COL25A1: variants seen among roughly 807,000 people sequenced by gnomAD.
COL25A1 encodes the protein collagen alpha-1(XXV) chain.
In COL25A1, 103 loss-of-function variants were observed where a neutral mutation model predicts 128.4. The observed-to-expected ratio is 0.80, with a 90% CI of 0.68 to 0.94. COL25A1 has a LOEUF of 0.94. COL25A1 is among the 40% of genes least tolerant of loss of function. The pLI is 0.00. For missense variants in COL25A1, 745 were observed against 840.0 expected, an observed-to-expected ratio of 0.89 and a Z score of 1.40; for synonymous variants, 279 against 277.2, an observed-to-expected ratio of 1.01 and a Z score of -0.06.
rs115845691 is a variant in COL25A1 at position 108,875,130 on chromosome 4, A to G, written c.1021-5980T>C. 6.8e-3 allele frequency among the ~76,000 whole-genome samples: 1,038 copies of G among 152,296 alleles called. 6 individuals are homozygous for G. The highest frequency in any genetic ancestry group is 0.024 in the African/African-American group (979 of 41,562). On this transcript the variant is annotated intron_variant, in intron 19 of 37. Transcript: ENST00000399132. Reference sequence around the variant, plus strand: ...AGATCTGAGATCACTGCTGCTTGCAAAGTTAGTGCCTAACTCATGGGCAAG... The same window carrying G: ...AGATCTGAGATCACTGCTGCTTGCAGAGTTAGTGCCTAACTCATGGGCAAG...
chr4:108,942,200 A>T (rs1312491531), intron 8 of COL25A1: 1 of 1,550,028 alleles, frequency 6.5e-7, no homozygotes. Flanking sequence ...ATGAGTGACA[A>T]CCACAAACCT....
intron 27 of COL25A1, among the ~76,000 whole-genome samples, chr4:108,846,796 G>A (rs749427733): frequency 2.0e-5 from 3 of 151,642 alleles, no homozygotes; most frequent in Non-Finnish European, 4.4e-5. Flanking sequence ...TTCTTATTTT[G>A]TTCTCATGAT....
chr4:108,853,449 C>T (rs2125775999), intron 24 of COL25A1, among the ~76,000 whole-genome samples: 1 of 151,878 alleles, frequency 6.6e-6, no homozygotes, highest in East Asian at 1.9e-4. Flanking sequence ...AATCTAATTT[C>T]CTTTTTTTTG....
At chr4:109,297,068 A>C (rs1725048007) in intron 3 of COL25A1, among the ~76,000 whole-genome samples, 1 of 152,136 alleles carries the variant, frequency 6.6e-6, no homozygotes, top group Non-Finnish European at 1.5e-5. Flanking sequence ...TGCTAAACCA[A>C]ATATTCTGCT....
chr4:109,210,046 A>T (rs1042732627), intron 3 of COL25A1, among the ~76,000 whole-genome samples: 9 of 151,170 alleles, frequency 6.0e-5, no homozygotes, highest in Non-Finnish European at 1.0e-4. Context: ...GTGAGACTTC[A>T]TCTCAAAAAA....
chr4:109,093,711 C>T lies in COL25A1; in HGVS notation c.368-43532G>A, dbSNP rs1765158173. Among the ~76,000 whole-genome samples, 4 of 152,140 alleles carry T rather than the reference C, an allele frequency of 2.6e-5. No individual in the cohort carries two copies. In the South Asian group the frequency reaches 8.3e-4, roughly 32 times the overall value. On this transcript the variant is annotated intron_variant, in intron 3 of 37. Coordinates refer to ENST00000399132, the MANE Select transcript of COL25A1 (RefSeq NM_198721.4). ...AGTAAAATACTGTAGTTCAAGGACT[C>T]AGAAAAATTTTCAGAACTAATGGCA...
In COL25A1 at chr4:109,192,935, T is replaced by C. The variant is rs561049188; in HGVS notation, c.367+107648A>G. 1.1e-3 allele frequency among the ~76,000 whole-genome samples: 167 copies of C among 151,416 alleles called. 3 individuals carry two copies. Among genetic ancestry groups the C allele is most frequent in the Non-Finnish European group, 5.9e-4 (40 of 67,882 alleles). ...CTCATGTGAAGACACAGAGAGAGCA[T>C]GGCCATCCGCAAGCCAACGAAAAAG... On this transcript the variant is annotated intron_variant, in intron 3 of 37. Coordinates refer to ENST00000399132, the MANE Select transcript of COL25A1 (RefSeq NM_198721.4).
chr4:108,982,886 A>C (rs1453326308), intron 6 of COL25A1, among the ~76,000 whole-genome samples: 1 of 152,198 alleles, frequency 6.6e-6, no homozygotes, highest in Non-Finnish European at 1.5e-5. Flanking sequence ...ATCAGTCTTA[A>C]ATCAAAAGCA....
At chr4:109,263,152 AAC>A (rs869232663) in intron 3 of COL25A1, among the ~76,000 whole-genome samples, 3 of 152,052 alleles carry the variant, frequency 2.0e-5, no homozygotes, top group Non-Finnish European at 4.4e-5. Context: ...CAACAACAAC[AAC>A]AAAACCTTTC....
At chr4:109,218,382 T>TTG (rs1553961838) in intron 3 of COL25A1, among the ~76,000 whole-genome samples, 6 of 130,974 alleles carry the variant, frequency 4.6e-5, no homozygotes, top group African/African-American at 1.8e-4. Context: ...TTTTTTTTTT[T>TTG]GCTTTTGAAC....
At chr4:109,118,435 T>A (rs1316131460) in intron 3 of COL25A1, among the ~76,000 whole-genome samples, 1 of 151,942 alleles carries the variant, frequency 6.6e-6, no homozygotes, top group East Asian at 1.9e-4. Context: ...CTACAACATA[T>A]ACATGTAACA....
chr4:109,223,877 G>A (rs932914766), intron 3 of COL25A1, among the ~76,000 whole-genome samples: 1 of 152,148 alleles, frequency 6.6e-6, no homozygotes, highest in African/African-American at 2.4e-5. Flanking sequence ...GACAAGTGCT[G>A]AGTGTAAGAT....
At chr4:109,137,025 C>G (rs1241360795) in intron 3 of COL25A1, among the ~76,000 whole-genome samples, 1 of 152,190 alleles carries the variant, frequency 6.6e-6, no homozygotes, top group Non-Finnish European at 1.5e-5. Flanking sequence ...AGCTTTGTGA[C>G]AGACCCGGAG....
rs1046246107 is a variant in COL25A1, at chr4:109,253,931, C to T, written c.367+46652G>A. On this transcript the variant is annotated intron_variant, in intron 3 of 37. Coordinates refer to ENST00000399132, the MANE Select transcript of COL25A1 (RefSeq NM_198721.4). ...TGAAACCCTGTCTCTACTAAAAATA[C>T]AAAAAATTATCCCGGTGCGGTGGCG... 2.6e-5 allele frequency among the ~76,000 whole-genome samples: 4 copies of T among 151,810 alleles called. No individual in the cohort carries two copies. In the East Asian group the frequency reaches 7.7e-4, roughly 29 times the overall value.
chr4:108,996,552 A>G (rs1560994779), intron 6 of COL25A1, among the ~76,000 whole-genome samples: 1 of 152,122 alleles, frequency 6.6e-6, no homozygotes, highest in Non-Finnish European at 1.5e-5. Flanking sequence ...TGTCAATATT[A>G]GACAGATCAA....
chr4:108,840,550 G>A (rs1310788802), intron 31 of COL25A1, among the ~76,000 whole-genome samples: 1 of 152,146 alleles, frequency 6.6e-6, no homozygotes, highest in Non-Finnish European at 1.5e-5. Flanking sequence ...ACCAATACCT[G>A]CCACCACTCC....
chr4:108,872,231 C>T (rs907124046), intron 19 of COL25A1, among the ~76,000 whole-genome samples: 5 of 152,076 alleles, frequency 3.3e-5, no homozygotes, highest in Non-Finnish European at 4.4e-5. Context: ...GCCTGGCCAA[C>T]ATGGTGAAAA....
chr4:108,902,478 G>T (rs1277745370), intron 13 of COL25A1, among the ~76,000 whole-genome samples: 1 of 151,944 alleles, frequency 6.6e-6, no homozygotes, highest in Non-Finnish European at 1.5e-5. Context: ...AATTGGGAGA[G>T]AGTAGATGAT....
chr4:108,889,564 T>C, intron 17 of COL25A1, 137 bp downstream of exon 17: 1 of 761,500 alleles, frequency 1.3e-6, no homozygotes, highest in East Asian at 2.5e-5. Context: ...CCTATTGTTT[T>C]TGGAAGCCCA....
Sources: gnomAD v4.1 joint callset for allele counts (sites outside exome capture counted in the v4.1 genomes callset) on GRCh38, gnomAD v4.1.1 for gene constraint, MANE v1.5 for transcripts, NCBI Gene and HGNC (gene_info 2026-07-23, HGNC 2026-07-21) for gene names.